The following BAIAP2 variants were observed in gnomAD, a reference collection of about 807,000 sequenced individuals.
BAIAP2 encodes the protein BAR/IMD domain containing adaptor protein 2, also known as BAR/IMD domain-containing adapter protein 2.
Under a neutral mutation model 63.0 loss-of-function variants are expected in BAIAP2, and 18 were observed. That is an observed-to-expected ratio of 0.29 (90% CI 0.20 to 0.42). BAIAP2 has a LOEUF of 0.42. Among genes scored for constraint, BAIAP2 ranks in the 10% least tolerant of loss-of-function variants. The pLI is 1.00. For missense variants in BAIAP2, 610 were observed against 734.3 expected, an observed-to-expected ratio of 0.83 and a Z score of 1.96; for synonymous variants, 386 against 307.6, an observed-to-expected ratio of 1.25 and a Z score of -2.67.
Position 81,070,339 on chromosome 17 carries a change from C to T in BAIAP2, c.217+12372C>T, listed in dbSNP as rs575134815. Among the ~76,000 whole-genome samples the T allele has an allele frequency of 4.6e-5, 7 of 152,340 alleles. No individual in the cohort carries two copies. The East Asian group carries it at 7.7e-4, about 17-fold the overall frequency. ...CAAGCTGTGGCCTGGGTCTGCCCTC[C>T]ACACTGAGCGGACGTCCAGGCAGCC... On this transcript the variant is annotated intron_variant, in intron 3 of 13. Transcript: ENST00000428708.
chr17:81,059,133 C>A (rs866341867), intron 3 of BAIAP2, among the ~76,000 whole-genome samples: 20 of 152,124 alleles, frequency 1.3e-4, no homozygotes, highest in Non-Finnish European at 2.2e-4. Context: ...GCCCCCCCCC[C>A]ACGCCCCCAC....
intron 13 of BAIAP2, 94 bp downstream of exon 13, chr17:81,108,603 T>G: frequency 6.6e-7 from 1 of 1,512,018 alleles, no homozygotes; most frequent in Non-Finnish European, 9.2e-7. Context: ...GGGCCACCTC[T>G]TTTCCTTTAG....
At chr17:81,105,003 A>ATCTCCCCCCAACGGCAGGGT (rs2058964701) in intron 10 of BAIAP2, 3 of 337,452 alleles carry the variant, frequency 8.9e-6, no homozygotes, top group Non-Finnish European at 1.7e-5. Flanking sequence ...AACGGCAGGG[A>ATCTCCCCCCAACGGCAGGGT]TCTCCCCCAA....
chr17:81,052,930 G>C (rs1338828697), intron 1 of BAIAP2, among the ~76,000 whole-genome samples: 1 of 152,220 alleles, frequency 6.6e-6, no homozygotes, highest in Non-Finnish European at 1.5e-5. Context: ...TTCTGCTGGA[G>C]CTGCTCCCTG....
intron 6 of BAIAP2, among the ~76,000 whole-genome samples, chr17:81,098,912 G>A (rs565676565): frequency 6.6e-6 from 1 of 152,110 alleles, no homozygotes; most frequent in African/African-American, 2.4e-5. Flanking sequence ...CACCTGCCAG[G>A]GCTGAGGGTT....
rs899565999 is a variant in BAIAP2 at position 81,100,193 on chromosome 17, G to A, written c.642+113G>A. 3.7e-6 allele frequency: 5 copies of A among 1,353,424 alleles called. No homozygotes were observed. The East Asian group carries it at 1.1e-4, about 29-fold the overall frequency. 83.8% of individuals were successfully genotyped at this position (1,353,424 alleles called of 1,614,324 possible). ...ACACACCGGGGCAGTGTCCAGGCTCGAACTCTCGTTTATTTCGGGTTTTCT... is the reference window on the plus strand; with the variant it reads ...ACACACCGGGGCAGTGTCCAGGCTCAAACTCTCGTTTATTTCGGGTTTTCT... On this transcript the variant is annotated intron_variant, in intron 7 of 13. Coordinates refer to ENST00000428708, the MANE Select transcript of BAIAP2 (RefSeq NM_001144888.2).
At chr17:81,036,248 G>A (rs1343086148) in intron 1 of BAIAP2, among the ~76,000 whole-genome samples, 1 of 152,208 alleles carries the variant, frequency 6.6e-6, no homozygotes, top group East Asian at 1.9e-4. Context: ...AGAAACCCCT[G>A]CTCTGGGTGT....
chr17:81,080,195 G>T (rs971210873), intron 3 of BAIAP2, among the ~76,000 whole-genome samples: 3 of 152,232 alleles, frequency 2.0e-5, no homozygotes, highest in Non-Finnish European at 2.9e-5. Context: ...CACCTCGGGG[G>T]TTAAGCGCTG....
intron 3 of BAIAP2, among the ~76,000 whole-genome samples, chr17:81,073,179 A>G (rs1055329334): frequency 6.6e-6 from 1 of 152,088 alleles, no homozygotes; most frequent in African/African-American, 2.4e-5. Context: ...GCCAGGGCTC[A>G]GCACCCCTGC....
chr17:81,057,815 G>T, intron 2 of BAIAP2, 66 bp from the exon 3 acceptor site: 4 of 1,560,494 alleles, frequency 2.6e-6, no homozygotes, highest in Non-Finnish European at 3.5e-6. Context: ...AGACTGCCGT[G>T]TTTTTGCTGG....
intron 3 of BAIAP2, among the ~76,000 whole-genome samples, chr17:81,058,189 G>A (rs2049949437): frequency 6.6e-6 from 1 of 152,214 alleles, no homozygotes; most frequent in African/African-American, 2.4e-5. Flanking sequence ...CCTGGGGTGA[G>A]GACAGCAGGC....
intron 3 of BAIAP2, among the ~76,000 whole-genome samples, chr17:81,077,458 C>T (rs1168860575): frequency 1.3e-5 from 2 of 151,994 alleles, no homozygotes; most frequent in African/African-American, 2.4e-5. Context: ...GTCCCAGCTA[C>T]TCGGGAGGCT....
intron 4 of BAIAP2, chr17:81,085,207 C>T (rs1254856710): frequency 3.9e-6 from 2 of 518,030 alleles, no homozygotes; most frequent in African/African-American, 1.9e-5. Flanking sequence ...AGGCACACTT[C>T]CCCTGGCCTC....
intron 3 of BAIAP2, among the ~76,000 whole-genome samples, chr17:81,067,681 G>A (rs992935004): frequency 6.6e-6 from 1 of 152,238 alleles, no homozygotes; most frequent in African/African-American, 2.4e-5. Flanking sequence ...TCTGAGGCCC[G>A]GCCAGGTGTC....
At chr17:81,087,439 G>T (rs936831046) in intron 6 of BAIAP2, 2 of 152,316 alleles carry the variant, frequency 1.3e-5, no homozygotes, top group African/African-American at 4.8e-5. Context: ...GGGTGCTCAT[G>T]AGTGGCTGTG....
intron 6 of BAIAP2, among the ~76,000 whole-genome samples, chr17:81,098,838 C>T (rs2058069031): frequency 6.6e-6 from 1 of 152,244 alleles, no homozygotes; most frequent in African/African-American, 2.4e-5. Flanking sequence ...AGGGTGGGGA[C>T]CGCCTGCTGG....
intron 3 of BAIAP2, among the ~76,000 whole-genome samples, chr17:81,082,658 T>C (rs2054837223): frequency 6.6e-6 from 1 of 152,116 alleles, no homozygotes; most frequent in African/African-American, 2.4e-5. Flanking sequence ...CCTTTCCTCT[T>C]CTCCCTCCAC....
chr17:81,043,427 C>T (rs1040458063), intron 1 of BAIAP2, among the ~76,000 whole-genome samples: 56 of 152,350 alleles, frequency 3.7e-4, no homozygotes, highest in African/African-American at 1.3e-3. Context: ...GGCCCCAGGC[C>T]GTGGAGCAGA....
chr17:81,104,735 G>T lies in BAIAP2; in HGVS notation c.1268+20G>T. The T allele has an allele frequency of 6.5e-7, 1 of 1,546,122 alleles. No homozygotes were observed. The highest frequency in any genetic ancestry group is 1.2e-5 in the South Asian group (1 of 84,668). ...CAAGATGTGAGTGTTTCTCGGGGGC[G>T]GGCTCCAGGCAGCCGCTGCCTTCAG... On this transcript the variant is annotated intron_variant, in intron 10 of 13. Transcript: ENST00000428708.
Sources: allele counts gnomAD v4.1 joint callset (sites outside exome capture counted in the v4.1 genomes callset), GRCh38; gene constraint gnomAD v4.1.1; transcripts MANE v1.5; gene names NCBI Gene and HGNC (gene_info 2026-07-23, HGNC 2026-07-21).